Variants in MEST observed in about 807,000 individuals in gnomAD.
MEST encodes mesoderm specific transcript, also known as mesoderm-specific transcript homolog protein.
A neutral mutation model predicts 50.9 loss-of-function variants in MEST; 18 were observed. That is an observed-to-expected ratio of 0.35 (90% CI 0.24 to 0.52). The LOEUF is 0.52. MEST is among the 20% of genes least tolerant of loss of function. The pLI is 0.94. For synonymous variants in MEST, 130 were observed against 154.1 expected (o/e 0.84, Z 1.16); for missense variants, 282 against 425.3 (o/e 0.66, Z 2.96).
In MEST at chr7:130,500,310, A is replaced by C. The variant is rs1799227061; in HGVS notation, c.577-152A>C. ...AAATAGATTTGTCTTCCTTGAGAGA[A>C]GAATGCGGGTAGGCAAAACAAAATG... On this transcript the variant is annotated intron_variant, in intron 7 of 11. Transcript: ENST00000223215. This position sits in a 1 kb window ranked among gnomAD's most constrained non-coding sequence, Gnocchi z 5.0. 1.6e-6 allele frequency: 1 copy of C among 624,472 alleles called. No individual in the cohort carries two copies. Among genetic ancestry groups the C allele is most frequent in the Admixed American group, 3.2e-5 (1 of 31,074 alleles). The allele number at this position is 624,472 out of a possible 1,614,324, so 38.7% of individuals were successfully genotyped here.
intron 11 of MEST, 88 bp from the exon 12 acceptor site, chr7:130,504,851 C>T (rs1317864128): frequency 3.2e-6 from 3 of 937,430 alleles, no homozygotes; most frequent in Admixed American, 1.7e-5. Flanking sequence ...GTGGTGTGTC[C>T]ACAGGGTCAT....
chr7:130,501,479 G>A (rs1175480525), intron 9 of MEST, among the ~76,000 whole-genome samples: 1 of 152,172 alleles, frequency 6.6e-6, no homozygotes, highest in Non-Finnish European at 1.5e-5. Context: ...AATTAAGACT[G>A]TCTTTTAAAA....
At chr7:130,493,757 A>C (rs753065385) in intron 1 of MEST, among the ~76,000 whole-genome samples, 2 of 152,140 alleles carry the variant, frequency 1.3e-5, no homozygotes, top group Admixed American at 6.5e-5. Context: ...ATGCGATGAG[A>C]AGCACTGGGG....
chr7:130,490,592 C>T (rs1453564128), upstream of MEST, among the ~76,000 whole-genome samples: 2 of 152,208 alleles, frequency 1.3e-5, no homozygotes, highest in Admixed American at 6.5e-5. Context: ...GGCTCTGCCT[C>T]TGAGGGCCTT....
chr7:130,503,126 C>T (rs150085386), intron 10 of MEST, among the ~76,000 whole-genome samples: 69 of 152,250 alleles, frequency 4.5e-4, no homozygotes, highest in African/African-American at 1.6e-3. Context: ...CTGAATTGCT[C>T]GGACAGAAGG....
At chr7:130,490,141 G>C (rs1401126343), upstream of MEST, among the ~76,000 whole-genome samples, 1 of 152,140 alleles carries the variant, frequency 6.6e-6, no homozygotes, top group African/African-American at 2.4e-5. Context: ...GTCTTTAAAA[G>C]GTAGTGGTAG....
At chr7:130,498,889 G>GA (rs1452670815) in intron 6 of MEST, 1 of 186,358 alleles carries the variant, frequency 5.4e-6, no homozygotes, top group Non-Finnish European at 1.1e-5. Context: ...TGAAGATACA[G>GA]AAAAAAGCCA....
At chr7:130,498,756 T>G in intron 6 of MEST, 2 of 526,388 alleles carry the variant, frequency 3.8e-6, no homozygotes, top group Non-Finnish European at 6.8e-6. Flanking sequence ...ATGTGCTTTT[T>G]CAATGCATTA....
At position 130,498,428 on chromosome 7, in the gene MEST, G is replaced by GAATCAA; in HGVS notation, c.490_491insAAAATC (p.Gln162_Asn163dup). On this transcript the variant is annotated inframe_insertion, in exon 6 of 12. Coordinates refer to ENST00000223215, the MANE Select transcript of MEST (RefSeq NM_002402.4). ...CTCGTCTCCCTTCTAGGTACAAGCA[G>GAATCAA]AATCGATCTGGTCGGCTTACCATAA... is the stretch of plus-strand genomic sequence containing the variant. 1 of 1,614,144 alleles carries GAATCAA rather than the reference G, an allele frequency of 6.2e-7. No homozygotes were observed. The highest frequency in any genetic ancestry group is 1.7e-5 in the Admixed American group (1 of 60,028).
intron 5 of MEST, 44 bp downstream of exon 5, chr7:130,498,319 C>T (rs375712424): frequency 1.4e-4 from 223 of 1,611,166 alleles, no homozygotes; most frequent in Non-Finnish European, 1.7e-4. Context: ...TAGGAAAGTA[C>T]ATTGTTTCTG....
rs530866687 is a variant in MEST at position 130,497,389 on chromosome 7, T to C, written c.261+154T>C. On this transcript the variant is annotated intron_variant, in intron 3 of 11. Coordinates refer to ENST00000223215, the MANE Select transcript of MEST (RefSeq NM_002402.4). This position sits in a 1 kb window ranked among gnomAD's most constrained non-coding sequence, Gnocchi z 4.0. ...CAGGCCAACATGGCAAAACCCCATC[T>C]CTACTAAAAGTATAAAAATTGGCCA... 2.5e-5 allele frequency: 13 copies of C among 513,040 alleles called. No homozygotes were observed. The highest frequency in any genetic ancestry group is 2.2e-4 in the African/African-American group (11 of 50,316). The allele number at this position is 513,040 out of a possible 1,614,324, so 31.8% of individuals were successfully genotyped here. A position where few individuals can be genotyped will look rare whatever the true frequency, so the allele number is the denominator to read the frequency against.
In MEST at chr7:130,495,539, T is replaced by A; in HGVS notation, c.181+17T>A. 6.2e-7 allele frequency: 1 copy of A among 1,611,972 alleles called. No homozygotes were observed. Among genetic ancestry groups the A allele is most frequent in the African/African-American group, 1.3e-5 (1 of 75,026 alleles). On this transcript the variant is annotated intron_variant, in intron 2 of 11. Transcript: ENST00000223215. ...TCTACCAAGGTAAGAAGTGGACTAT[T>A]GGAAGTCCTGCGTGTATCGGTCACA...
rs1554438175 is a variant in MEST at position 130,500,098 on chromosome 7, G to A, written c.576+183G>A. 6 of 579,734 alleles carry A rather than the reference G, an allele frequency of 1.0e-5. No individual in the cohort carries two copies. Among genetic ancestry groups the A allele is most frequent in the East Asian group, 5.8e-5 (2 of 34,400 alleles). The allele number at this position is 579,734 out of a possible 1,614,324, so 35.9% of individuals were successfully genotyped here. Reference sequence around the variant, plus strand: ...CTAAAGCAGAGGCAGTGGCCCCTACGTAAACCCAAAACCAATCCTAAGAAT... The same window carrying A: ...CTAAAGCAGAGGCAGTGGCCCCTACATAAACCCAAAACCAATCCTAAGAAT... On this transcript the variant is annotated intron_variant, in intron 7 of 11. Transcript: ENST00000223215. This position sits in a 1 kb window ranked among gnomAD's most constrained non-coding sequence, Gnocchi z 5.0.
chr7:130,492,425 G>A lies in MEST; in HGVS notation c.26+86G>A. The A allele has an allele frequency of 1.7e-6, 2 of 1,143,778 alleles. No homozygotes were observed. Among genetic ancestry groups the A allele is most frequent in the Non-Finnish European group, 1.1e-6 (1 of 900,600 alleles). 70.9% of individuals were successfully genotyped at this position (1,143,778 alleles called of 1,614,324 possible). On this transcript the variant is annotated intron_variant, in intron 1 of 11. Transcript: ENST00000223215. The surrounding 1 kb of genome is among the most constrained non-coding windows in gnomAD (Gnocchi z 7.6). ...AGCGGAGGACTGTGTGCCCGTGTCC[G>A]AGCTGGGGCTGCCTCTGGGCGAAAA...
intron 10 of MEST, among the ~76,000 whole-genome samples, chr7:130,503,482 G>T (rs983244055): frequency 5.3e-5 from 8 of 152,172 alleles, no homozygotes; most frequent in African/African-American, 1.9e-4. Flanking sequence ...AAACAAGCTA[G>T]GTTTTGTATC....
upstream of MEST, chr7:130,489,895 A>C (rs1013646320): frequency 2.6e-5 from 4 of 152,064 alleles, no homozygotes; most frequent in South Asian, 8.3e-4. Context: ...TGGCCTTCAG[A>C]ATAAGATCTT....
At chr7:130,493,368 GCTTATTGTCTCCGCTCAT>G (rs1554435966) in intron 1 of MEST, 2 of 152,144 alleles carry the variant, frequency 1.3e-5, no homozygotes, top group Non-Finnish European at 2.9e-5. Context: ...ACTGGAGTTT[GCTTATTGTCTCCGCTCAT>G]GGCTCATCAA....
chr7:130,497,691 A>G lies in MEST; in HGVS notation c.262-245A>G, dbSNP rs1302120620. ...AACTGTTCCTTATTTACTGAAGGGA[A>G]TAAACAACTCCTTGGCACTCTGGAA... is the stretch of plus-strand genomic sequence containing the variant. On this transcript the variant is annotated intron_variant, in intron 3 of 11. Transcript: ENST00000223215. This position sits in a 1 kb window ranked among gnomAD's most constrained non-coding sequence, Gnocchi z 4.0. 1 of 545,960 alleles carries G rather than the reference A, an allele frequency of 1.8e-6. No individual in the cohort carries two copies. The highest frequency in any genetic ancestry group is 3.3e-6 in the Non-Finnish European group (1 of 305,202). The allele number at this position is 545,960 out of a possible 1,614,324, so 33.8% of individuals were successfully genotyped here. A position where few individuals can be genotyped will look rare whatever the true frequency, so the allele number is the denominator to read the frequency against.
At chr7:130,504,819 C>T in intron 11 of MEST, 120 bp from the exon 12 acceptor site, 1 of 661,828 alleles carries the variant, frequency 1.5e-6, no homozygotes, top group Non-Finnish European at 2.7e-6. Flanking sequence ...GGTGAATAAG[C>T]TCTTTGGTGG....
Sources: gnomAD v4.1 joint callset for allele counts (sites outside exome capture counted in the v4.1 genomes callset) on GRCh38, gnomAD v4.1.1 for gene constraint, Gnocchi (gnomAD v3.1) non-coding constraint, MANE v1.5 for transcripts, NCBI Gene and HGNC (gene_info 2026-07-23, HGNC 2026-07-21) for gene names.